KLHL32: variants seen among roughly 807,000 people sequenced by gnomAD.
KLHL32 encodes kelch like family member 32.
KLHL32 carries 35 observed loss-of-function variants against 64.8 expected under a neutral mutation model. The ratio of observed to expected loss-of-function variants is 0.54; its 90% CI spans 0.41 to 0.72. The LOEUF is 0.72. KLHL32 is among the 30% of genes least tolerant of loss of function. The pLI is 0.00. For missense variants in KLHL32, 589 were observed against 768.5 expected, an observed-to-expected ratio of 0.77 and a Z score of 2.76; for synonymous variants, 259 against 281.0, an observed-to-expected ratio of 0.92 and a Z score of 0.78.
chr6:96,901,581 G>C, the KLHL32 span, among the ~76,000 whole-genome samples: 1 of 152,140 alleles, frequency 6.6e-6, no homozygotes, highest in African/African-American at 2.4e-5. Flanking sequence ...AGCATTTGCA[G>C]GTTCAGGGAT....
intron 1 of KLHL32, among the ~76,000 whole-genome samples, chr6:96,966,623 T>C (rs897317491): frequency 2.6e-5 from 4 of 152,232 alleles, no homozygotes; most frequent in Admixed American, 2.6e-4. Context: ...GAAAATAAAA[T>C]CTCTATAAAT....
At chr6:97,113,183 T>C (rs1206160) in intron 6 of KLHL32, among the ~76,000 whole-genome samples, 86,596 of 152,044 alleles carry the variant, frequency 0.57, 26,328 homozygotes, top group African/African-American at 0.79. Context: ...TAGAATCTTA[T>C]TTTTTCTTTT....
intron 7 of KLHL32, among the ~76,000 whole-genome samples, chr6:97,118,366 C>A (rs1582214745): frequency 1.3e-5 from 2 of 152,122 alleles, no homozygotes; most frequent in East Asian, 3.9e-4. Context: ...CGCCAGTAAT[C>A]CCAGCACTTT....
chr6:97,084,035 A>G (rs2128177791), intron 5 of KLHL32, among the ~76,000 whole-genome samples: 1 of 152,226 alleles, frequency 6.6e-6, no homozygotes, highest in Non-Finnish European at 1.5e-5. Context: ...TCAGCTCCCC[A>G]CTTTATACAG....
In KLHL32 at chr6:97,132,763, TC is replaced by T. The variant is rs1385296967; in HGVS notation, c.1701+18del. 1 of 1,574,628 alleles carries T rather than the reference TC, an allele frequency of 6.4e-7. No homozygotes were observed. Reference sequence around the variant, plus strand: ...TTGTATCCAGGTGAGTGGTAGAAGTTCCTTTTGAAGTTTGTTCAAGTGGTTC... The same window carrying T: ...TTGTATCCAGGTGAGTGGTAGAAGTTCTTTTGAAGTTTGTTCAAGTGGTTC... On this transcript the variant is annotated intron_variant, in intron 10 of 10. Transcript: ENST00000369261.
intron 3 of KLHL32, among the ~76,000 whole-genome samples, chr6:96,997,584 T>TAA (rs200313479): frequency 1.3e-5 from 2 of 151,214 alleles, no homozygotes; most frequent in Non-Finnish European, 2.9e-5. Context: ...CCTGTCTCTA[T>TAA]AAAAAAAAAT....
At chr6:97,089,485 C>CTT (rs1793899657) in intron 6 of KLHL32, among the ~76,000 whole-genome samples, 1 of 152,124 alleles carries the variant, frequency 6.6e-6, no homozygotes, top group Non-Finnish European at 1.5e-5. Context: ...TTTGTAAGAA[C>CTT]AGTCCTTTTC....
At chr6:96,985,660 G>A (rs960227376) in intron 3 of KLHL32, among the ~76,000 whole-genome samples, 2 of 151,672 alleles carry the variant, frequency 1.3e-5, no homozygotes, top group African/African-American at 4.8e-5. Flanking sequence ...CCAGTTGATC[G>A]AATCAGCTAC....
intron 5 of KLHL32, among the ~76,000 whole-genome samples, chr6:97,065,052 G>A (rs529778839): frequency 2.4e-4 from 37 of 152,268 alleles, no homozygotes; most frequent in Middle Eastern, 3.4e-3. Context: ...GTCCTAGTCC[G>A]AAGCAATATT....
At chr6:97,080,927 T>A (rs980785446) in intron 5 of KLHL32, among the ~76,000 whole-genome samples, 2 of 152,158 alleles carry the variant, frequency 1.3e-5, no homozygotes, top group African/African-American at 4.8e-5. Context: ...GGAAACACAA[T>A]TCCTATCCCA....
intron 6 of KLHL32, among the ~76,000 whole-genome samples, chr6:97,096,504 G>A (rs1795010955): frequency 6.6e-6 from 1 of 152,224 alleles, no homozygotes; most frequent in African/African-American, 2.4e-5. Flanking sequence ...CCAATAGTTT[G>A]TTAACAGAAG....
Position 97,048,639 on chromosome 6 carries a change from A to G in KLHL32, c.312+7040A>G, listed in dbSNP as rs150756040. On this transcript the variant is annotated intron_variant, in intron 4 of 10. Coordinates refer to ENST00000369261, the MANE Select transcript of KLHL32 (RefSeq NM_052904.4). ...AGCCCTGATAATGCAAACACTGTGC[A>G]TTACATTTTGATGATCATTGAAACT... Among the ~76,000 whole-genome samples the G allele has an allele frequency of 4.8e-3, 738 of 152,270 alleles. 16 individuals are homozygous for G. Among genetic ancestry groups the G allele is most frequent in the Admixed American group, 0.038 (588 of 15,300 alleles).
At chr6:97,130,664 C>T in intron 8 of KLHL32, 93 bp from the exon 9 acceptor site, 1 of 887,122 alleles carries the variant, frequency 1.1e-6, no homozygotes, top group South Asian at 1.9e-5. Context: ...GATTGATAAA[C>T]ATTAGGGTTC....
At chr6:97,065,426 A>C (rs1337455199) in intron 5 of KLHL32, among the ~76,000 whole-genome samples, 1 of 152,188 alleles carries the variant, frequency 6.6e-6, no homozygotes, top group Non-Finnish European at 1.5e-5. Context: ...TTCTGATTCC[A>C]AAGACCATTT....
chr6:97,021,646 C>T (rs531459530), intron 3 of KLHL32, among the ~76,000 whole-genome samples: 12 of 150,998 alleles, frequency 7.9e-5, no homozygotes, highest in African/African-American at 3.0e-4. Context: ...TATCTAAACA[C>T]CTGTGGCAAG....
chr6:97,135,982 G>T (rs547257283), intron 10 of KLHL32, among the ~76,000 whole-genome samples: 1 of 152,304 alleles, frequency 6.6e-6, no homozygotes, highest in African/African-American at 2.4e-5. Flanking sequence ...TCCTAAGTAT[G>T]TCAGTGGGTT....
intron 3 of KLHL32, among the ~76,000 whole-genome samples, chr6:96,976,570 C>T (rs567022713): frequency 2.6e-5 from 4 of 151,972 alleles, no homozygotes; most frequent in Non-Finnish European, 5.9e-5. Context: ...TGTATTGTTT[C>T]GGATATATAT....
chr6:96,934,624 A>G (rs1770351509), intron 1 of KLHL32, among the ~76,000 whole-genome samples: 1 of 152,242 alleles, frequency 6.6e-6, no homozygotes, highest in African/African-American at 2.4e-5. Flanking sequence ...ATCATTTTCT[A>G]CTAAAATTTG....
intron 3 of KLHL32, among the ~76,000 whole-genome samples, chr6:96,988,756 A>G (rs1264363406): frequency 1.3e-5 from 2 of 152,244 alleles, no homozygotes; most frequent in Non-Finnish European, 2.9e-5. Flanking sequence ...CATATACACC[A>G]TGGAATACTA....
Sources: gnomAD v4.1 joint callset for allele counts (sites outside exome capture counted in the v4.1 genomes callset) on GRCh38, gnomAD v4.1.1 for gene constraint, MANE v1.5 for transcripts, NCBI Gene and HGNC (gene_info 2026-07-23, HGNC 2026-07-21) for gene names.